ZP3: variants seen among roughly 807,000 people sequenced by gnomAD.
ZP3 encodes the protein zona pellucida sperm-binding protein 3.
Under a neutral mutation model 35.6 loss-of-function variants are expected in ZP3, and 21 were observed. That is an observed-to-expected ratio of 0.59 (90% CI 0.42 to 0.85). ZP3 has a LOEUF of 0.85. Ranked by LOEUF, ZP3 falls within the 40% of genes least tolerant of loss-of-function variation. The probability of loss-of-function intolerance (pLI) is 0.00; values close to 1 mark genes in which losing one functional copy is unlikely to be tolerated. For synonymous variants in ZP3, 207 were observed against 214.5 expected, an observed-to-expected ratio of 0.96 and a Z score of 0.31; for missense variants, 437 against 536.5, an observed-to-expected ratio of 0.81 and a Z score of 1.83.
intron 1 of ZP3, among the ~76,000 whole-genome samples, chr7:76,408,665 C>A (rs1805125323): frequency 6.6e-6 from 1 of 152,138 alleles, no homozygotes. Flanking sequence ...TCCCAGGTGA[C>A]CCCAGAGCCC....
chr7:76,411,289 A>G (rs954072366), intron 1 of ZP3, among the ~76,000 whole-genome samples: 3 of 152,160 alleles, frequency 2.0e-5, no homozygotes, highest in Non-Finnish European at 2.9e-5. Flanking sequence ...AACAGTGGCC[A>G]GGAGTAGTGG....
At chr7:76,436,029 C>CGTTTTTT (rs1563703130) in intron 5 of ZP3, among the ~76,000 whole-genome samples, 1 of 128,098 alleles carries the variant, frequency 7.8e-6, no homozygotes. Flanking sequence ...CCCCCCGCCC[C>CGTTTTTT]CTTTTTTTTT....
At chr7:76,436,168 T>C (rs1806001636) in intron 5 of ZP3, among the ~76,000 whole-genome samples, 1 of 147,964 alleles carries the variant, frequency 6.8e-6, no homozygotes, top group African/African-American at 2.5e-5. Context: ...TCTCCTGCCT[T>C]AGCCTCCCAA....
rs755156957 is a variant in ZP3, at chr7:76,413,831, T to G, written c.-66-11221T>G. 7.4e-4 allele frequency among the ~76,000 whole-genome samples: 113 copies of G among 152,110 alleles called. 1 individual carries two copies. The highest frequency in any genetic ancestry group is 1.3e-3 in the Non-Finnish European group (86 of 67,986). On this transcript the variant is annotated intron_variant, in intron 1 of 8. Coordinates refer to the ZP3 transcript ENST00000336517. ...ACAGGCGTGCGCCACCATGCCCAGC[T>G]AATTATTGTATTTTTTGAAGAGACA...
upstream of ZP3, among the ~76,000 whole-genome samples, chr7:76,423,021 G>GAAAGAA (rs760922020): frequency 2.8e-3 from 204 of 72,766 alleles, 2 homozygotes; most frequent in Middle Eastern, 6.0e-3. Flanking sequence ...GAGAGAGAGA[G>GAAAGAA]AGAGAGAAAG....
intron 1 of ZP3, among the ~76,000 whole-genome samples, chr7:76,428,328 CAA>C (rs201560206): frequency 0.014 from 2,065 of 152,046 alleles, 24 homozygotes; most frequent in East Asian, 0.038. Flanking sequence ...CTCAAAAAAA[CAA>C]AAGGTGGTTA....
chr7:76,434,821 G>C (rs1471106805), intron 5 of ZP3, among the ~76,000 whole-genome samples: 20 of 149,918 alleles, frequency 1.3e-4, no homozygotes, highest in African/African-American at 4.4e-4. Flanking sequence ...CCCAACCCAG[G>C]GTTTGATTCA....
intron 1 of ZP3, chr7:76,398,714 A>C (rs1804719566): frequency 6.2e-7 from 1 of 1,612,658 alleles, no homozygotes; most frequent in Admixed American, 1.7e-5. Context: ...CATTATGCTT[A>C]CGTACTTTTT....
At chr7:76,433,738 A>T in intron 4 of ZP3, 91 bp downstream of exon 4, 1 of 1,367,768 alleles carries the variant, frequency 7.3e-7, no homozygotes, top group Non-Finnish European at 1.0e-6. Flanking sequence ...TCACTCTGTA[A>T]CCCAGGCTGG....
intron 1 of ZP3, chr7:76,429,169 T>G: frequency 3.4e-6 from 1 of 293,450 alleles, no homozygotes; most frequent in East Asian, 8.1e-5. Flanking sequence ...GCCATGTGGT[T>G]GATCCAGTCT....
intron 1 of ZP3, among the ~76,000 whole-genome samples, chr7:76,402,270 C>T (rs1563685335): frequency 6.6e-6 from 1 of 151,148 alleles, no homozygotes; most frequent in Non-Finnish European, 1.5e-5. Context: ...GCCTCTGCCT[C>T]CTGGGTTCAA....
At chr7:76,423,793 C>T (rs1323917016), upstream of ZP3, among the ~76,000 whole-genome samples, 1 of 151,400 alleles carries the variant, frequency 6.6e-6, no homozygotes, top group African/African-American at 2.4e-5. Flanking sequence ...ACCTGGGAGG[C>T]GGAGGCTGCA....
At chr7:76,398,548 G>A (rs527678434) in intron 1 of ZP3, among the ~76,000 whole-genome samples, 3 of 151,468 alleles carry the variant, frequency 2.0e-5, no homozygotes, top group Non-Finnish European at 4.4e-5. Flanking sequence ...CAAGTGATCC[G>A]CTGGCCTCGG....
At chr7:76,429,215 G>T (rs368260635) in intron 1 of ZP3, 4 of 353,924 alleles carry the variant, frequency 1.1e-5, no homozygotes, top group East Asian at 1.2e-4. Context: ...GTCAGGTAAA[G>T]ATTCCGAGGT....
chr7:76,411,479 G>C (rs1205654233), intron 1 of ZP3, among the ~76,000 whole-genome samples: 1 of 152,118 alleles, frequency 6.6e-6, no homozygotes, highest in African/African-American at 2.4e-5. Context: ...TGAGGTGGGA[G>C]GATGACTTGA....
At chr7:76,431,404 T>G (rs575734367) in intron 2 of ZP3, among the ~76,000 whole-genome samples, 1 of 152,250 alleles carries the variant, frequency 6.6e-6, no homozygotes, top group East Asian at 1.9e-4. Flanking sequence ...CTGGGATGCT[T>G]TAACCTGGCT....
chr7:76,417,124 C>A (rs1805397895), intron 1 of ZP3, among the ~76,000 whole-genome samples: 1 of 151,654 alleles, frequency 6.6e-6, no homozygotes, highest in African/African-American at 2.4e-5. Context: ...ATGGTGCGAT[C>A]TCGGCTCACC....
At chr7:76,397,687 C>A in exon 1 of ZP3, 1 of 1,613,432 alleles carries the variant, frequency 6.2e-7, no homozygotes, top group East Asian at 2.2e-5. Flanking sequence ...CCATGGCCGC[C>A]CCGCAGCCCA....
At chr7:76,438,538 GAAAAAAAAA>G (rs71085417) in intron 5 of ZP3, among the ~76,000 whole-genome samples, 1 of 88,560 alleles carries the variant, frequency 1.1e-5, no homozygotes, top group Non-Finnish European at 2.0e-5. Context: ...CTCCGTCTCA[GAAAAAAAAA>G]AAAAAAAAAA....
Sources: gnomAD v4.1 joint callset for allele counts (sites outside exome capture counted in the v4.1 genomes callset) on GRCh38, gnomAD v4.1.1 for gene constraint, MANE v1.5 for transcripts, NCBI Gene and HGNC (gene_info 2026-07-23, HGNC 2026-07-21) for gene names.